WNT9B: variants seen among roughly 807,000 people sequenced by gnomAD.
WNT9B encodes Wnt family member 9B.
Under a neutral mutation model 30.2 loss-of-function variants are expected in WNT9B, and 12 were observed. The observed-to-expected ratio is 0.40, with a 90% CI of 0.26 to 0.64. The LOEUF is 0.64. WNT9B is among the 30% of genes least tolerant of loss of function. The pLI is 0.42. For synonymous variants in WNT9B, 218 were observed against 216.9 expected, an observed-to-expected ratio of 1.01 and a Z score of -0.05; for missense variants, 442 against 485.2, an observed-to-expected ratio of 0.91 and a Z score of 0.84.
In WNT9B at chr17:46,876,592, C is replaced by T. The variant is rs766162405; in HGVS notation, c.948C>T (p.Cys316=). Residue 316 remains cysteine (C), a synonymous_variant, in exon 4 of 4, where the codon TGC becomes TGT. Transcript: ENST00000290015. The part of the protein sequence containing the change: ...SREASCSSLC[C]GRGYDTQSRL... ...AGGCCAGCTGCAGCAGCCTGTGCTGCGGGCGGGGCTATGACACCCAGAGCC... is the reference window on the plus strand; with the variant it reads ...AGGCCAGCTGCAGCAGCCTGTGCTGTGGGCGGGGCTATGACACCCAGAGCC... 2.1e-5 allele frequency: 34 copies of T among 1,613,138 alleles called. No individual in the cohort carries two copies. The Admixed American group carries it at 2.2e-4, about 10-fold the overall frequency.
intron 2 of WNT9B, chr17:46,874,873 C>G (rs1396559334): frequency 2.9e-6 from 2 of 679,894 alleles, no homozygotes; most frequent in Non-Finnish European, 5.2e-6. Flanking sequence ...CCACTGTGCC[C>G]AGCCTGGAAG....
At chr17:46,866,422 G>A (rs539491868) in intron 1 of WNT9B, among the ~76,000 whole-genome samples, 5 of 152,034 alleles carry the variant, frequency 3.3e-5, no homozygotes, top group Admixed American at 6.6e-5. Context: ...GTGTATGTGC[G>A]AGTATAGGTG....
At chr17:46,860,115 T>G (rs1283722000) in intron 1 of WNT9B, among the ~76,000 whole-genome samples, 1 of 152,174 alleles carries the variant, frequency 6.6e-6, no homozygotes, top group Non-Finnish European at 1.5e-5. Context: ...GGAAGGAATT[T>G]AGGCCAGCTT....
intron 1 of WNT9B, among the ~76,000 whole-genome samples, chr17:46,844,247 GTATCCAGCC>G (rs1216352861): frequency 2.0e-5 from 3 of 150,752 alleles, no homozygotes; most frequent in Non-Finnish European, 4.4e-5. Context: ...ATGAGCCACT[GTATCCAGCC>G]TATACTTTAT....
chr17:46,863,759 C>T (rs142273883), intron 1 of WNT9B, among the ~76,000 whole-genome samples: 82 of 152,296 alleles, frequency 5.4e-4, no homozygotes, highest in African/African-American at 1.9e-3. Context: ...AGAGACTAGC[C>T]TGGCTGAGGG....
intron 2 of WNT9B, chr17:46,874,851 T>C: frequency 3.2e-6 from 2 of 623,896 alleles, no homozygotes; most frequent in East Asian, 2.8e-5. Context: ...GTGCTGGGAT[T>C]AGGGGCACGA....
chr17:46,862,170 A>T (rs1461808506), intron 1 of WNT9B, among the ~76,000 whole-genome samples: 2 of 151,954 alleles, frequency 1.3e-5, no homozygotes, highest in Non-Finnish European at 2.9e-5. Flanking sequence ...TCTCAAAAAA[A>T]AAAAAAAAAG....
chr17:46,836,012 T>C (rs536225953), intron 1 of WNT9B, among the ~76,000 whole-genome samples: 7 of 151,732 alleles, frequency 4.6e-5, no homozygotes, highest in African/African-American at 1.7e-4. Context: ...TGCCCACACA[T>C]TCTGGATGGG....
intron 1 of WNT9B, among the ~76,000 whole-genome samples, chr17:46,837,388 T>C (rs948277211): frequency 6.6e-6 from 1 of 152,166 alleles, no homozygotes; most frequent in African/African-American, 2.4e-5. Context: ...ATTTGGAGTA[T>C]AAATGGGAGA....
At chr17:46,882,318 A>C (rs2085433995), downstream of WNT9B, among the ~76,000 whole-genome samples, 1 of 152,200 alleles carries the variant, frequency 6.6e-6, no homozygotes. Context: ...TGAAGAGTCC[A>C]GGCTGCATGT....
chr17:46,884,543 G>C (rs941006904), downstream of WNT9B, among the ~76,000 whole-genome samples: 2 of 152,202 alleles, frequency 1.3e-5, no homozygotes, highest in Admixed American at 1.3e-4. Flanking sequence ...AGAGGCCCAG[G>C]GTTTGGTAAA....
chr17:46,863,855 C>T (rs1305840303), intron 1 of WNT9B, among the ~76,000 whole-genome samples: 4 of 152,176 alleles, frequency 2.6e-5, no homozygotes, highest in Non-Finnish European at 5.9e-5. Context: ...CTCACAACTA[C>T]ATCCATCCCA....
chr17:46,879,070 G>A lies in WNT9B; in HGVS notation c.*2352G>A, dbSNP rs1272979426. Among the ~76,000 whole-genome samples the A allele has an allele frequency of 6.6e-6, 1 of 152,220 alleles. No individual in the cohort carries two copies. Among genetic ancestry groups the A allele is most frequent in the East Asian group, 1.9e-4 (1 of 5,198 alleles). Reference sequence around the variant, plus strand: ...CAGCTTTAAGGGAAATGCTCACAGGGTATTTTTGTCTACCTCAAATATATA... The same window carrying A: ...CAGCTTTAAGGGAAATGCTCACAGGATATTTTTGTCTACCTCAAATATATA... On this transcript the variant is annotated 3_prime_UTR_variant, in exon 4 of 4. Coordinates refer to ENST00000290015, the MANE Select transcript of WNT9B (RefSeq NM_003396.3).
chr17:46,854,120 A>C (rs962189766), intron 1 of WNT9B, among the ~76,000 whole-genome samples: 4 of 152,220 alleles, frequency 2.6e-5, no homozygotes, highest in Admixed American at 2.0e-4. Flanking sequence ...ACAGATGCTC[A>C]GAGAATCAGC....
chr17:46,857,046 C>T (rs2084950182), intron 1 of WNT9B, among the ~76,000 whole-genome samples: 1 of 152,138 alleles, frequency 6.6e-6, no homozygotes, highest in Admixed American at 6.6e-5. Context: ...GATTATTTTG[C>T]TCAGCATAAA....
At chr17:46,882,088 C>T (rs972341374), downstream of WNT9B, among the ~76,000 whole-genome samples, 5 of 152,116 alleles carry the variant, frequency 3.3e-5, no homozygotes, top group Admixed American at 6.5e-5. Flanking sequence ...CCCAGGAGTT[C>T]GAGGATATAG....
chr17:46,869,043 T>A (rs573623191), intron 1 of WNT9B, among the ~76,000 whole-genome samples: 1 of 152,334 alleles, frequency 6.6e-6, no homozygotes, highest in African/African-American at 2.4e-5. Flanking sequence ...ACTGGGTCTT[T>A]GAGGCCTCCC....
chr17:46,862,757 T>G (rs1398798529), intron 1 of WNT9B, among the ~76,000 whole-genome samples: 3 of 152,156 alleles, frequency 2.0e-5, no homozygotes, highest in African/African-American at 7.2e-5. Context: ...TAATTTTTTG[T>G]ATCTTTAGTA....
chr17:46,859,408 T>A (rs1036488760), intron 1 of WNT9B, among the ~76,000 whole-genome samples: 12 of 152,258 alleles, frequency 7.9e-5, no homozygotes, highest in African/African-American at 2.7e-4. Context: ...GAAATGATGA[T>A]GTTTTCTCCA....
Sources: allele counts gnomAD v4.1 joint callset (sites outside exome capture counted in the v4.1 genomes callset), GRCh38; gene constraint gnomAD v4.1.1; transcripts MANE v1.5; gene names NCBI Gene and HGNC (gene_info 2026-07-23, HGNC 2026-07-21).